The following EVL variants were observed in gnomAD, a reference collection of about 807,000 sequenced individuals.
The protein encoded by EVL is ena/VASP-like protein.
A neutral mutation model predicts 59.6 loss-of-function variants in EVL; 21 were observed. The ratio of observed to expected loss-of-function variants is 0.35; its 90% CI spans 0.25 to 0.51. The LOEUF (loss-of-function observed/expected upper bound fraction) is 0.51, where lower values mean the gene tolerates loss of function less well. Among genes scored for constraint, EVL ranks in the 20% least tolerant of loss-of-function variants. EVL has a pLI of 0.97. For synonymous variants in EVL, 198 were observed against 203.5 expected (o/e 0.97, Z 0.23); for missense variants, 462 against 546.6 (o/e 0.85, Z 1.54).
At chr14:99,973,010 C>A (rs1038767675) in intron 1 of EVL, among the ~76,000 whole-genome samples, 1 of 152,240 alleles carries the variant, frequency 6.6e-6, no homozygotes, top group South Asian at 2.1e-4. Flanking sequence ...CTATAGTATT[C>A]TGTTGTAAGA....
intron 8 of EVL, 189 bp from the exon 9 acceptor site, chr14:100,135,716 C>T (rs1888737427): frequency 1.8e-6 from 1 of 568,824 alleles, no homozygotes. Context: ...GCTTTGTCCA[C>T]TGGCTCGATT....
chr14:100,104,553 C>G (rs1031020051), intron 3 of EVL, among the ~76,000 whole-genome samples: 1 of 152,166 alleles, frequency 6.6e-6, no homozygotes, highest in African/African-American at 2.4e-5. Context: ...TGTGAGGGCC[C>G]CAGGGCAAAA....
chr14:100,103,888 C>T (rs912175762), intron 3 of EVL, among the ~76,000 whole-genome samples: 3 of 152,326 alleles, frequency 2.0e-5, no homozygotes, highest in East Asian at 1.9e-4. Context: ...CTTTTCTCTG[C>T]GTTTTTCACA....
In EVL at chr14:100,128,670, G is replaced by T; in HGVS notation, c.639G>T (p.Gln213His). The stretch of plus-strand genomic sequence containing the variant: ...CCCCACTGCCAGCCGGAGGAGCCCA[G>T]GGGTCCAGCCACGACGAGAGCTCCA... ...PPPPLPAGGA[Q>H]GSSHDESSMS... Residue 213 changes from glutamine to histidine, a missense_variant, in exon 6 of 14, where the codon CAG (glutamine) becomes CAT (histidine). Gln to His is a conservative substitution (Grantham distance 24). Coordinates refer to ENST00000392920, the MANE Select transcript of EVL (RefSeq NM_016337.3). 1 of 1,455,930 alleles carries T rather than the reference G, an allele frequency of 6.9e-7. No individual in the cohort carries two copies. The allele number at this position is 1,455,930 out of a possible 1,614,324, so 90.2% of individuals were successfully genotyped here. A position where few individuals can be genotyped will look rare whatever the true frequency, so the allele number is the denominator to read the frequency against.
At chr14:99,971,980 T>TCCCGCGC (rs2060736001) in exon 1 of EVL, 1 of 135,040 alleles carries the variant, frequency 7.4e-6, no homozygotes, top group Non-Finnish European at 1.5e-5. Context: ...AGCGCCCGCG[T>TCCCGCGC]CCCGCGCCCC....
intron 1 of EVL, among the ~76,000 whole-genome samples, chr14:100,075,724 C>T (rs941893): frequency 0.6 from 91,198 of 151,956 alleles, 30,399 homozygotes; most frequent in Non-Finnish European, 0.73. Context: ...ATCAGAGGCA[C>T]GTGGCACCTT....
At chr14:100,092,201 C>T (rs1177736877) in intron 2 of EVL, among the ~76,000 whole-genome samples, 1 of 152,078 alleles carries the variant, frequency 6.6e-6, no homozygotes, top group African/African-American at 2.4e-5. Flanking sequence ...ATGATCATGC[C>T]AGTGCACTCC....
intron 1 of EVL, among the ~76,000 whole-genome samples, chr14:100,070,005 TC>T (rs2062014882): frequency 6.9e-6 from 1 of 145,136 alleles, no homozygotes; most frequent in East Asian, 2.0e-4. Context: ...CGCAGGTAGA[TC>T]ACCTGAGCTG....
intron 1 of EVL, among the ~76,000 whole-genome samples, chr14:100,082,139 T>A (rs969208293): frequency 2.0e-5 from 3 of 151,474 alleles, no homozygotes; most frequent in Middle Eastern, 3.2e-3. Context: ...AATAAATAAA[T>A]AAAAATTTAA....
intron 7 of EVL, among the ~76,000 whole-genome samples, chr14:100,132,245 T>C (rs995109143): frequency 7.4e-5 from 11 of 148,640 alleles, no homozygotes; most frequent in African/African-American, 2.7e-4. Context: ...GCATTCTAGA[T>C]TGGGGAGGGC....
intron 1 of EVL, among the ~76,000 whole-genome samples, chr14:100,043,363 T>C (rs138238362): frequency 6.6e-6 from 1 of 151,168 alleles, no homozygotes; most frequent in African/African-American, 2.4e-5. Context: ...TATTGAGTCA[T>C]GATTATGGAG....
At chr14:100,049,499 T>G (rs2061611472) in intron 1 of EVL, among the ~76,000 whole-genome samples, 1 of 152,230 alleles carries the variant, frequency 6.6e-6, no homozygotes. Context: ...TCCTTTATAC[T>G]GAGTATTGTT....
chr14:100,136,724 A>C (rs568397797), intron 9 of EVL, among the ~76,000 whole-genome samples: 2 of 152,002 alleles, frequency 1.3e-5, no homozygotes, highest in African/African-American at 4.8e-5. Context: ...TCCTCCTAAG[A>C]TTTTTGCCTG....
intron 1 of EVL, among the ~76,000 whole-genome samples, chr14:100,030,351 C>G (rs567989643): frequency 6.6e-6 from 1 of 152,292 alleles, no homozygotes; most frequent in African/African-American, 2.4e-5. Context: ...ATCCGCCTGC[C>G]TCAGCCTCCC....
At chr14:100,137,291 C>A in intron 9 of EVL, 2 of 494,224 alleles carry the variant, frequency 4.0e-6, no homozygotes. Flanking sequence ...GCTTGCTCGC[C>A]CTGTGGCTCT....
exon 1 of EVL, chr14:99,971,476 G>C (rs1043221996): frequency 1.3e-5 from 2 of 151,826 alleles, no homozygotes; most frequent in African/African-American, 4.8e-5. Flanking sequence ...TTTGTGTCGG[G>C]CTTTGACCGC....
At chr14:100,076,993 T>C (rs1401297138) in intron 1 of EVL, among the ~76,000 whole-genome samples, 1 of 152,110 alleles carries the variant, frequency 6.6e-6, no homozygotes, top group Non-Finnish European at 1.5e-5. Context: ...AGGAAAGATA[T>C]GGGTAGATAA....
At position 100,013,436 on chromosome 14, in the gene EVL, C is replaced by T. The variant is rs79360709; in HGVS notation, c.5+41379C>T. ...ATCCCCACAAAATACATGCTGTCTT[C>T]CCCATTTTAGGATGAGGAAACTGAG... On this transcript the variant is annotated intron_variant, in intron 1 of 13. Coordinates refer to the EVL transcript ENST00000402714. Among the ~76,000 whole-genome samples the T allele has an allele frequency of 1.8e-4, 27 of 152,284 alleles. No homozygotes were observed. In the East Asian group the frequency reaches 5.2e-3, roughly 29 times the overall value.
At chr14:100,124,770 C>T (rs1353585895) in intron 4 of EVL, among the ~76,000 whole-genome samples, 1 of 152,182 alleles carries the variant, frequency 6.6e-6, no homozygotes, top group Admixed American at 6.5e-5. Context: ...CTCGAAACTG[C>T]TTCATCACCC....
Sources: gnomAD v4.1 joint callset for allele counts (sites outside exome capture counted in the v4.1 genomes callset) on GRCh38, gnomAD v4.1.1 for gene constraint, MANE v1.5 for transcripts, NCBI Gene and HGNC (gene_info 2026-07-23, HGNC 2026-07-21) for gene names.